Variants in KANSL1 observed in about 807,000 individuals in gnomAD.
The protein encoded by KANSL1 is MLL1/MLL complex subunit KANSL1.
A neutral mutation model predicts 103.6 loss-of-function variants in KANSL1; 22 were observed. That is an observed-to-expected ratio of 0.21 (90% CI 0.15 to 0.30). KANSL1 has a LOEUF of 0.30. KANSL1 is among the 10% of genes least tolerant of loss of function. The pLI, the probability that KANSL1 is intolerant of heterozygous loss-of-function variation, is 1.00. For synonymous variants in KANSL1, 600 were observed against 527.6 expected (o/e 1.14, Z -1.88); for missense variants, 1,337 against 1,399.8 (o/e 0.96, Z 0.72).
upstream of KANSL1, among the ~76,000 whole-genome samples, chr17:46,194,248 C>G (rs1282944834): frequency 3.3e-5 from 5 of 152,404 alleles, no homozygotes; most frequent in East Asian, 9.6e-4. Flanking sequence ...TCCGCCAAAA[C>G]AGGCAAATGG....
chr17:46,225,189 G>T (rs2148084315), upstream of KANSL1, among the ~76,000 whole-genome samples: 1 of 152,138 alleles, frequency 6.6e-6, no homozygotes, highest in African/African-American at 2.4e-5. Flanking sequence ...CCGCTCCCCG[G>T]GCCCCGCGGC....
intron 1 of KANSL1, among the ~76,000 whole-genome samples, chr17:46,208,245 T>G (rs1216338277): frequency 3.3e-5 from 5 of 152,250 alleles, no homozygotes; most frequent in Non-Finnish European, 7.3e-5. Flanking sequence ...GTGTAGGTGT[T>G]GAGGGTCTTG....
chr17:46,043,340 G>A (rs1438223830), intron 7 of KANSL1: 3 of 151,988 alleles, frequency 2.0e-5, no homozygotes, highest in Non-Finnish European at 4.4e-5. Flanking sequence ...TGAGAGACCT[G>A]GTTATAGTGA....
intron 2 of KANSL1, among the ~76,000 whole-genome samples, chr17:46,108,708 A>G (rs1363178550): frequency 6.6e-6 from 1 of 152,234 alleles, no homozygotes; most frequent in Non-Finnish European, 1.5e-5. Context: ...TGGAACTATG[A>G]TCCTAACTTT....
chr17:46,188,865 T>C (rs893626534), intron 1 of KANSL1, among the ~76,000 whole-genome samples: 1 of 151,492 alleles, frequency 6.6e-6, no homozygotes, highest in Admixed American at 6.6e-5. Flanking sequence ...ACCCCATCTA[T>C]ACTAAAAATA....
In KANSL1 at chr17:46,074,010, C is replaced by T. The variant is rs1308973521; in HGVS notation, c.1534-6343G>A. On this transcript the variant is annotated intron_variant, in intron 4 of 14. Transcript: ENST00000432791. ...AGAAATATAGATGTGTGTGTATGCA[C>T]CTGTGAGCATAGATACATATGTTTC... Among the ~76,000 whole-genome samples, 3 of 152,012 alleles carry T rather than the reference C, an allele frequency of 2.0e-5. No individual in the cohort carries two copies. In the East Asian group the frequency reaches 5.8e-4, roughly 29 times the overall value.
intron 6 of KANSL1, among the ~76,000 whole-genome samples, chr17:46,052,963 CCAAAAAAAAAAAAA>C (rs2077771783): frequency 2.3e-5 from 1 of 43,140 alleles, no homozygotes; most frequent in African/African-American, 1.0e-4. Context: ...GATCCTGTCT[CCAAAAAAAAAAAAA>C]AAAAAAAAAA....
At chr17:46,039,304 C>T (rs1317900489) in intron 8 of KANSL1, 89 bp from the exon 9 acceptor site, 1 of 1,238,670 alleles carries the variant, frequency 8.1e-7, no homozygotes, top group African/African-American at 1.5e-5. Flanking sequence ...TCTCTCTAGG[C>T]CAACGCCGTA....
Position 46,050,758 on chromosome 17 carries a change from T to G in KANSL1, c.1849-54A>C, listed in dbSNP as rs2077684531. The G allele has an allele frequency of 3.9e-6, 6 of 1,538,490 alleles. No homozygotes were observed. The Admixed American group carries it at 1.1e-4, about 28-fold the overall frequency. On this transcript the variant is annotated intron_variant, in intron 6 of 14. Transcript: ENST00000432791. The stretch of plus-strand genomic sequence containing the variant: ...ATTCAGCATCTGATAAAAAGCCAGC[T>G]ACCCATTTGTTATCCCCATTTGTTA...
intron 6 of KANSL1, among the ~76,000 whole-genome samples, chr17:46,057,602 C>T (rs147743494): frequency 2.2e-4 from 33 of 152,142 alleles, no homozygotes; most frequent in African/African-American, 7.9e-4. Context: ...AAGGCGGCCA[C>T]CTTGTGTTTT....
chr17:46,067,556 T>A lies in KANSL1; in HGVS notation c.1645A>T (p.Ile549Phe). ...CGALRPVNGV[I>F]NTLQPVLADH... ...AGAAGAGCTAAAACTTACGTGTTAATAACTCCATTGACAGGTCTGAGTGCT... is the reference window on the plus strand; with the variant it reads ...AGAAGAGCTAAAACTTACGTGTTAAAAACTCCATTGACAGGTCTGAGTGCT... The change falls in exon 5 of 15, where the codon ATT becomes TTT. Residue 549 changes from isoleucine (I) to phenylalanine (F), a missense_variant. Transcript: ENST00000432791. 6.3e-7 allele frequency: 1 copy of A among 1,579,700 alleles called. No individual in the cohort carries two copies. Among genetic ancestry groups the A allele is most frequent in the Non-Finnish European group, 8.7e-7 (1 of 1,148,634 alleles).
intron 2 of KANSL1, among the ~76,000 whole-genome samples, chr17:46,150,880 A>G (rs1463599622): frequency 2.6e-5 from 4 of 152,068 alleles, no homozygotes; most frequent in African/African-American, 9.7e-5. Context: ...GCTTTTATAA[A>G]CAGAAATTTA....
chr17:46,073,649 G>A (rs887540697), intron 4 of KANSL1, among the ~76,000 whole-genome samples: 7 of 151,786 alleles, frequency 4.6e-5, no homozygotes, highest in Non-Finnish European at 1.0e-4. Flanking sequence ...TGCGGGGTGG[G>A]GAAAACAGGG....
At chr17:46,150,000 C>A (rs2044997801) in intron 2 of KANSL1, among the ~76,000 whole-genome samples, 1 of 139,806 alleles carries the variant, frequency 7.2e-6, no homozygotes, top group Non-Finnish European at 1.5e-5. Context: ...CCAGCCTGGG[C>A]AACAGTGCGA....
At chr17:46,208,485 C>T (rs2148010625) in intron 1 of KANSL1, among the ~76,000 whole-genome samples, 1 of 152,020 alleles carries the variant, frequency 6.6e-6, no homozygotes, top group East Asian at 1.9e-4. Flanking sequence ...TGGCAGTGCA[C>T]ACCTGTAGTC....
At position 46,033,299 on chromosome 17, in the gene KANSL1, C is replaced by G. The variant is rs1385397921; in HGVS notation, c.2724+104G>C. ...TCACGACAGGAATACAAGGAGCTTG[C>G]ACTTCACACCCACAAGTCTTCAGGC... is the stretch of plus-strand genomic sequence containing the variant. On this transcript the variant is annotated intron_variant, in intron 12 of 14. Coordinates refer to ENST00000432791, the MANE Select transcript of KANSL1 (RefSeq NM_015443.4). 19 of 1,434,354 alleles carry G rather than the reference C, an allele frequency of 1.3e-5. No individual in the cohort carries two copies. The Admixed American group carries it at 3.4e-4, about 25-fold the overall frequency. The allele number at this position is 1,434,354 out of a possible 1,614,324, so 88.9% of individuals were successfully genotyped here.
At chr17:46,081,736 C>T (rs1476554) in intron 4 of KANSL1, among the ~76,000 whole-genome samples, 21,798 of 152,300 alleles carry the variant, frequency 0.14, 2,126 homozygotes, top group Non-Finnish European at 0.22. Context: ...CATCACTTCA[C>T]ACTAGCTTTA....
chr17:46,196,755 AT>A, upstream of KANSL1: 1 of 248,702 alleles, frequency 4.0e-6, no homozygotes, highest in Admixed American at 5.2e-5. Context: ...TAGTATTTGT[AT>A]CTTACTTTAT....
At chr17:46,218,043 C>T (rs652801) in intron 1 of KANSL1, among the ~76,000 whole-genome samples, 2 of 152,098 alleles carry the variant, frequency 1.3e-5, no homozygotes, top group East Asian at 1.9e-4. Flanking sequence ...AAAAGAAATA[C>T]ACACAGGGAG....
Sources: allele counts gnomAD v4.1 joint callset (sites outside exome capture counted in the v4.1 genomes callset), GRCh38; gene constraint gnomAD v4.1.1; transcripts MANE v1.5; gene names NCBI Gene and HGNC (gene_info 2026-07-23, HGNC 2026-07-21).